The following ACOX1 variants were observed in gnomAD, a reference collection of about 807,000 sequenced individuals.
ACOX1 encodes peroxisomal acyl-coenzyme A oxidase 1.
In ACOX1, 41 loss-of-function variants were observed where a neutral mutation model predicts 75.5. The ratio of observed to expected loss-of-function variants is 0.54; its 90% CI spans 0.42 to 0.70. The LOEUF is 0.70. Ranked by LOEUF, ACOX1 falls within the 30% of genes least tolerant of loss-of-function variation. ACOX1 has a pLI of 0.00. For synonymous variants in ACOX1, 303 were observed against 298.8 expected (o/e 1.01, Z -0.15); for missense variants, 630 against 837.5 (o/e 0.75, Z 3.06).
chr17:75,973,361 C>T, intron 2 of ACOX1: 1 of 495,116 alleles, frequency 2.0e-6, no homozygotes, highest in South Asian at 2.1e-5. Context: ...TAATGGGGTT[C>T]CCCGCTGCAC....
chr17:75,955,743 C>T (rs921520645), intron 5 of ACOX1, 62 bp from the exon 6 acceptor site: 94 of 1,611,422 alleles, frequency 5.8e-5, no homozygotes, highest in East Asian at 1.3e-4. Context: ...GCTTTTGCTC[C>T]GCCTCTTCAG....
chr17:75,968,592 C>T (rs1295164883), intron 2 of ACOX1, among the ~76,000 whole-genome samples: 3 of 105,808 alleles, frequency 2.8e-5, no homozygotes, highest in Non-Finnish European at 5.5e-5. Context: ...GGCGACAAAG[C>T]GAGACTCCGC....
At chr17:75,954,056 A>C (rs2065798777) in intron 6 of ACOX1, among the ~76,000 whole-genome samples, 1 of 152,036 alleles carries the variant, frequency 6.6e-6, no homozygotes, top group South Asian at 2.1e-4. Flanking sequence ...ATCTCTACTA[A>C]AAATACAAAA....
At chr17:75,970,584 G>A (rs2065985111) in intron 2 of ACOX1, among the ~76,000 whole-genome samples, 2 of 152,182 alleles carry the variant, frequency 1.3e-5, no homozygotes, top group South Asian at 4.1e-4. Context: ...GGATTTGGAA[G>A]GAACATGGAG....
intron 2 of ACOX1, among the ~76,000 whole-genome samples, chr17:75,971,063 G>C (rs371819090): frequency 6.6e-6 from 1 of 151,420 alleles, no homozygotes; most frequent in Non-Finnish European, 1.5e-5. Context: ...AGGCCGAGGC[G>C]GGCAGATCAC....
rs751892262 is a variant in ACOX1 at position 75,960,383 on chromosome 17, G to A, written c.270-8C>T. The A allele has an allele frequency of 7.4e-6, 12 of 1,612,994 alleles. No individual in the cohort carries two copies. Among genetic ancestry groups the A allele is most frequent in the African/African-American group, 1.3e-5 (1 of 75,060 alleles). On this transcript the variant is annotated splice_polypyrimidine_tract_variant and splice_region_variant and intron_variant, in intron 2 of 13. Transcript: ENST00000293217. The surrounding 1 kb of genome is among the most constrained non-coding windows in gnomAD (Gnocchi z 4.4). The stretch of plus-strand genomic sequence containing the variant: ...CGCCCTCGGTGCACAAAACTTCGAG[G>A]AAATATCAAGGATGGGCATTTGAGA...
At chr17:75,971,782 T>C (rs1474715438) in intron 2 of ACOX1, among the ~76,000 whole-genome samples, 1 of 151,636 alleles carries the variant, frequency 6.6e-6, no homozygotes, top group East Asian at 1.9e-4. Context: ...ATATTTGTGA[T>C]ATTACTTTAT....
intron 10 of ACOX1, 23 bp from the exon 11 acceptor site, chr17:75,949,623 T>C: frequency 6.2e-7 from 1 of 1,613,288 alleles, no homozygotes; most frequent in African/African-American, 1.3e-5. Context: ...AGATTGGAGG[T>C]CTGAGGAAAT....
intron 2 of ACOX1, among the ~76,000 whole-genome samples, chr17:75,970,482 G>A (rs138716862): frequency 2.5e-4 from 38 of 152,234 alleles, no homozygotes; most frequent in African/African-American, 7.2e-4. Flanking sequence ...GTGTATATCC[G>A]AGTTTCTTCG....
rs1322397217 is a variant in ACOX1, at chr17:75,944,223, C to A, written c.*2525G>T. 1 of 152,108 alleles carries A rather than the reference C, an allele frequency of 6.6e-6. No individual in the cohort carries two copies. The highest frequency in any genetic ancestry group is 1.5e-5 in the Non-Finnish European group (1 of 68,024). 9.4% of individuals were successfully genotyped at this position (152,108 alleles called of 1,614,324 possible). ...CACTCCAGTCTGGGTGACAGTGATA[C>A]CCTGTCTCAAAAAGATAAAAATAAA... On this transcript the variant is annotated 3_prime_UTR_variant, in exon 14 of 14. Coordinates refer to ENST00000293217, the MANE Select transcript of ACOX1 (RefSeq NM_004035.7).
rs886053449 is a variant in ACOX1 at position 75,945,714 on chromosome 17, A to C, written c.*1034T>G. ...ATAGACTGAAAACAAAGCCATACAT[A>C]GAGTAAGAAATAGAACCTATGGAAC... is the stretch of plus-strand genomic sequence containing the variant. On this transcript the variant is annotated 3_prime_UTR_variant, in exon 14 of 14. Coordinates refer to ENST00000293217, the MANE Select transcript of ACOX1 (RefSeq NM_004035.7). The C allele has an allele frequency of 2.0e-5, 3 of 153,772 alleles. No homozygotes were observed. Among genetic ancestry groups the C allele is most frequent in the Non-Finnish European group, 4.4e-5 (3 of 68,054 alleles). 9.5% of individuals were successfully genotyped at this position (153,772 alleles called of 1,614,324 possible).
rs572169920 is a variant in ACOX1, at chr17:75,958,543, T to G, written c.431-977A>C. On this transcript the variant is annotated intron_variant, in intron 3 of 13. Transcript: ENST00000293217. The stretch of plus-strand genomic sequence containing the variant: ...AAAAATTAAAGCTGGGCACGGTGGC[T>G]CACGCCTGTAATCCCAGCACTTTGG... 1.0e-4 allele frequency among the ~76,000 whole-genome samples: 15 copies of G among 147,768 alleles called. 3 individuals are homozygous for G. The highest frequency in any genetic ancestry group is 8.4e-4 in the South Asian group (4 of 4,778).
In ACOX1 at chr17:75,958,787, G is replaced by A. The variant is rs1382930916; in HGVS notation, c.431-1221C>T. Among the ~76,000 whole-genome samples the A allele has an allele frequency of 5.0e-5, 7 of 140,338 alleles. No homozygotes were observed. In the South Asian group the frequency reaches 1.1e-3, roughly 22 times the overall value. 92.1% of individuals were successfully genotyped at this position (140,338 alleles called of 152,430 possible). On this transcript the variant is annotated intron_variant, in intron 3 of 13. Transcript: ENST00000293217. ...CGCGCCACTGCACTCCAGCCTGGGCGACAGAGCACGACTCCGTCTCAAAAA... is the reference window on the plus strand; with the variant it reads ...CGCGCCACTGCACTCCAGCCTGGGCAACAGAGCACGACTCCGTCTCAAAAA...
intron 3 of ACOX1, 126 bp from the exon 4 acceptor site, chr17:75,957,692 C>T (rs2065846558): frequency 5.8e-6 from 4 of 687,256 alleles, no homozygotes; most frequent in African/African-American, 1.8e-5. Context: ...ACAAAAAACA[C>T]CTGTAGATGA....
chr17:75,976,329 T>C lies in ACOX1; in HGVS notation c.269+2205A>G, dbSNP rs1034090345. On this transcript the variant is annotated intron_variant, in intron 2 of 13. Transcript: ENST00000293217. ...CTATTTCATTGTGACCTCACTCGAG[T>C]CTGGTTCACATTATCAACAGGTCAC... Among the ~76,000 whole-genome samples the C allele has an allele frequency of 2.6e-5, 4 of 152,166 alleles. No homozygotes were observed. The East Asian group carries it at 7.7e-4, about 29-fold the overall frequency.
intron 5 of ACOX1, 68 bp downstream of exon 5, chr17:75,955,760 A>C: frequency 6.2e-7 from 1 of 1,612,858 alleles, no homozygotes; most frequent in Non-Finnish European, 8.5e-7. Flanking sequence ...TCAGTTGGGC[A>C]TTCTACCTTT....
chr17:75,968,027 T>G (rs1185675649), intron 2 of ACOX1, among the ~76,000 whole-genome samples: 2 of 150,324 alleles, frequency 1.3e-5, no homozygotes, highest in Non-Finnish European at 3.0e-5. Context: ...GCGAGAGCCA[T>G]TGCACCCAGC....
intron 2 of ACOX1, among the ~76,000 whole-genome samples, chr17:75,962,844 C>T (rs945824091): frequency 5.3e-5 from 8 of 152,052 alleles, no homozygotes; most frequent in Non-Finnish European, 1.2e-4. Context: ...GAGTAACAGA[C>T]ACAGGGGCCA....
chr17:75,955,071 T>C (rs2065811429), intron 6 of ACOX1, among the ~76,000 whole-genome samples: 2 of 152,048 alleles, frequency 1.3e-5, no homozygotes, highest in African/African-American at 4.8e-5. Flanking sequence ...GGTTTCACCA[T>C]GTTGGCCAGG....
Sources: gnomAD v4.1 joint callset for allele counts (sites outside exome capture counted in the v4.1 genomes callset) on GRCh38, gnomAD v4.1.1 for gene constraint, Gnocchi (gnomAD v3.1) non-coding constraint, MANE v1.5 for transcripts, NCBI Gene and HGNC (gene_info 2026-07-23, HGNC 2026-07-21) for gene names.